CEP128: variants seen among roughly 807,000 people sequenced by gnomAD.
The protein encoded by CEP128 is centrosomal protein 128.
CEP128 carries 132 observed loss-of-function variants against 156.7 expected under a neutral mutation model. The observed-to-expected ratio is 0.84, with a 90% confidence interval of 0.73 to 0.97. The LOEUF is 0.97. Among genes scored for constraint, CEP128 ranks in the 50% least tolerant of loss-of-function variants. The probability of loss-of-function intolerance (pLI) is 0.00; values close to 1 mark genes in which losing one functional copy is unlikely to be tolerated. For synonymous variants in CEP128, 469 were observed against 448.9 expected, an observed-to-expected ratio of 1.04 and a Z score of -0.57; for missense variants, 1,252 against 1,281.9, an observed-to-expected ratio of 0.98 and a Z score of 0.36.
chr14:80,532,033 G>T (rs956287524), intron 21 of CEP128, among the ~76,000 whole-genome samples: 2 of 152,112 alleles, frequency 1.3e-5, no homozygotes, highest in African/African-American at 4.8e-5. Flanking sequence ...CCTCTACTGT[G>T]TTAAGCCATA....
At chr14:80,837,996 T>C (rs1886168129) in intron 11 of CEP128, among the ~76,000 whole-genome samples, 1 of 152,206 alleles carries the variant, frequency 6.6e-6, no homozygotes, top group Non-Finnish European at 1.5e-5. Context: ...ACCATCACAG[T>C]GGGGACTCTG....
chr14:80,639,496 T>A (rs551778812), intron 19 of CEP128, among the ~76,000 whole-genome samples: 1 of 152,192 alleles, frequency 6.6e-6, no homozygotes, highest in East Asian at 1.9e-4. Flanking sequence ...AGTAAACTCA[T>A]TGTCTTTACT....
intron 22 of CEP128, 199 bp from the exon 23 acceptor site, chr14:80,527,181 C>A (rs909531266): frequency 1.8e-6 from 1 of 555,214 alleles, no homozygotes; most frequent in Non-Finnish European, 3.3e-6. Flanking sequence ...GTAATCCCAG[C>A]ACTTTAGGAG....
intron 16 of CEP128, among the ~76,000 whole-genome samples, chr14:80,772,669 T>G (rs1900576959): frequency 1.3e-5 from 2 of 152,124 alleles, no homozygotes; most frequent in African/African-American, 4.8e-5. Flanking sequence ...GATGCTACTG[T>G]GGGGCTGGAT....
intron 19 of CEP128, among the ~76,000 whole-genome samples, chr14:80,615,566 C>T (rs1156389595): frequency 1.3e-5 from 2 of 152,192 alleles, no homozygotes; most frequent in Non-Finnish European, 2.9e-5. Context: ...AGGCCACAGA[C>T]AACACAACTC....
At chr14:80,748,516 A>G (rs1314895741) in intron 18 of CEP128, among the ~76,000 whole-genome samples, 1 of 152,186 alleles carries the variant, frequency 6.6e-6, no homozygotes, top group Non-Finnish European at 1.5e-5. Flanking sequence ...GGAAATCAAG[A>G]GGTTGTTACA....
chr14:80,777,460 T>G (rs567766049), intron 16 of CEP128, among the ~76,000 whole-genome samples: 6 of 152,272 alleles, frequency 3.9e-5, no homozygotes, highest in African/African-American at 1.2e-4. Flanking sequence ...TTTCTGTTGT[T>G]TTTCTTCTAT....
Position 80,900,031 on chromosome 14 carries a change from T to C in CEP128, c.481-2A>G, listed in dbSNP as rs1353252835. The C allele has an allele frequency of 1.2e-6, 2 of 1,600,310 alleles. No individual in the cohort carries two copies. Among genetic ancestry groups the C allele is most frequent in the Non-Finnish European group, 8.6e-7 (1 of 1,169,552 alleles). On this transcript the variant is annotated splice_acceptor_variant, in intron 6 of 24. Coordinates refer to ENST00000555265, the MANE Select transcript of CEP128 (RefSeq NM_152446.5). LOFTEE classifies it high-confidence loss of function. The stretch of plus-strand genomic sequence containing the variant: ...AAGAGACTGATGAAAACCATGAAGC[T>C]AGCAAAGGCAAAACACAGTTATCCA...
At chr14:80,701,287 G>T (rs1897066417) in intron 19 of CEP128, among the ~76,000 whole-genome samples, 1 of 152,110 alleles carries the variant, frequency 6.6e-6, no homozygotes, top group South Asian at 2.1e-4. Flanking sequence ...CGGAGAGGCT[G>T]CCGTAACTGC....
rs182867991 is a variant in CEP128 at position 80,501,338 on chromosome 14, C to A, written c.3181+3574G>T. 2.2e-3 allele frequency among the ~76,000 whole-genome samples: 337 copies of A among 151,984 alleles called. 1 individual carries two copies. Among genetic ancestry groups the A allele is most frequent in the Non-Finnish European group, 3.5e-3 (239 of 68,004 alleles). ...TCAAAGGAGTGACAGTCTTTATCTACGAATGAAGGATTTTTCAACAACAAC... is the reference window on the plus strand; with the variant it reads ...TCAAAGGAGTGACAGTCTTTATCTAAGAATGAAGGATTTTTCAACAACAAC... On this transcript the variant is annotated intron_variant, in intron 24 of 24. Transcript: ENST00000555265.
intron 23 of CEP128, among the ~76,000 whole-genome samples, chr14:80,520,433 C>CAAAT (rs1296112413): frequency 9.3e-6 from 1 of 107,284 alleles, no homozygotes; most frequent in Non-Finnish European, 2.1e-5. Flanking sequence ...AACAAACAAA[C>CAAAT]AAACAAACAA....
chr14:80,765,589 T>G (rs774816215), intron 16 of CEP128, among the ~76,000 whole-genome samples: 1 of 152,178 alleles, frequency 6.6e-6, no homozygotes, highest in African/African-American at 2.4e-5. Flanking sequence ...CTAACTTCAA[T>G]GTTTCAGGGT....
chr14:80,613,298 T>A (rs1893077013), intron 19 of CEP128, among the ~76,000 whole-genome samples: 10 of 111,164 alleles, frequency 9.0e-5, no homozygotes, highest in Admixed American at 6.4e-4. Context: ...GAGCATTTTT[T>A]TTTTTTTTTT....
intron 19 of CEP128, among the ~76,000 whole-genome samples, chr14:80,669,370 T>G (rs1895750490): frequency 6.6e-6 from 1 of 151,888 alleles, no homozygotes; most frequent in Non-Finnish European, 1.5e-5. Context: ...AAATAGTAAG[T>G]AGACAACCTG....
chr14:80,503,007 T>C (rs1198366762), intron 24 of CEP128, among the ~76,000 whole-genome samples: 2 of 152,100 alleles, frequency 1.3e-5, no homozygotes, highest in Non-Finnish European at 2.9e-5. Context: ...TACTTGAAAG[T>C]AATTAATGAT....
At chr14:80,642,850 G>T (rs756260106) in intron 19 of CEP128, among the ~76,000 whole-genome samples, 1 of 151,662 alleles carries the variant, frequency 6.6e-6, no homozygotes, top group Non-Finnish European at 1.5e-5. Context: ...CAGCCTCCCA[G>T]TTCAGGCAAT....
chr14:80,798,799 A>G (rs996359859), intron 13 of CEP128, among the ~76,000 whole-genome samples: 1 of 152,216 alleles, frequency 6.6e-6, no homozygotes, highest in African/African-American at 2.4e-5. Flanking sequence ...TTGTTCACTG[A>G]TGGAATGAAC....
At position 80,862,743 on chromosome 14, in the gene CEP128, T is replaced by C. The variant is rs1005979831; in HGVS notation, c.762+14A>G. ...ATTCAAGATTTACATTCCATGAAAG[T>C]GTTTTTCACAAACCTCCTGTAGCTG... On this transcript the variant is annotated intron_variant, in intron 9 of 24. Transcript: ENST00000555265. 4 of 1,492,666 alleles carry C rather than the reference T, an allele frequency of 2.7e-6. No homozygotes were observed. The highest frequency in any genetic ancestry group is 3.7e-6 in the Non-Finnish European group (4 of 1,070,084). 92.5% of individuals were successfully genotyped at this position (1,492,666 alleles called of 1,614,324 possible).
intron 8 of CEP128, among the ~76,000 whole-genome samples, chr14:80,883,792 C>A (rs965413604): frequency 9.2e-5 from 14 of 152,044 alleles, no homozygotes; most frequent in Non-Finnish European, 1.8e-4. Context: ...GCAAAAAGAA[C>A]AAAACTGGAG....
Sources: gnomAD v4.1 joint callset for allele counts (sites outside exome capture counted in the v4.1 genomes callset) on GRCh38, gnomAD v4.1.1 for gene constraint, MANE v1.5 for transcripts, NCBI Gene and HGNC (gene_info 2026-07-23, HGNC 2026-07-21) for gene names.